The following SLC30A8 variants were observed in gnomAD, a reference collection of about 807,000 sequenced individuals.
SLC30A8 encodes the protein proton-coupled zinc antiporter SLC30A8.
A neutral mutation model predicts 36.9 loss-of-function variants in SLC30A8; 27 were observed. That is an observed-to-expected ratio of 0.73 (90% CI 0.54 to 1.01). The LOEUF (loss-of-function observed/expected upper bound fraction) is 1.01. Among genes scored for constraint, SLC30A8 ranks in the 50% least tolerant of loss-of-function variants. The pLI is 0.00. For synonymous variants in SLC30A8, 164 were observed against 172.4 expected (o/e 0.95, Z 0.38); for missense variants, 439 against 452.0 (o/e 0.97, Z 0.26).
intron 1 of SLC30A8, among the ~76,000 whole-genome samples, chr8:116,994,081 G>C (rs529572900): frequency 6.6e-6 from 1 of 151,878 alleles, no homozygotes; most frequent in South Asian, 2.1e-4. Context: ...GCACACTCTA[G>C]GCTCAGATAG....
Position 116,970,924 on chromosome 8 carries a change from G to A in SLC30A8, c.-266+19805G>A, listed in dbSNP as rs139339772. On this transcript the variant is annotated intron_variant, in intron 1 of 10. Coordinates refer to the SLC30A8 transcript ENST00000427715. Reference sequence around the variant, plus strand: ...AGCCTGGCCAACATGGCGAAACCCCGTCTCTACTAAAAACACAAAAGTTAG... The same window carrying A: ...AGCCTGGCCAACATGGCGAAACCCCATCTCTACTAAAAACACAAAAGTTAG... Among the ~76,000 whole-genome samples the A allele has an allele frequency of 3.1e-3, 479 of 152,156 alleles. 1 individual carries two copies. Among genetic ancestry groups the A allele is most frequent in the Middle Eastern group, 6.8e-3 (2 of 294 alleles).
At chr8:116,992,831 A>G (rs1015876574) in intron 1 of SLC30A8, among the ~76,000 whole-genome samples, 2 of 152,222 alleles carry the variant, frequency 1.3e-5, no homozygotes, top group South Asian at 2.1e-4. Context: ...TGGGGTAGCA[A>G]TGAAAAAGCT....
At chr8:117,037,515 C>T (rs533693658) in intron 1 of SLC30A8, among the ~76,000 whole-genome samples, 7 of 152,042 alleles carry the variant, frequency 4.6e-5, no homozygotes, top group Admixed American at 1.3e-4. Context: ...CCCCCTCACC[C>T]ACCGCTTAAG....
chr8:117,085,387 A>C (rs1818835677), intron 2 of SLC30A8, among the ~76,000 whole-genome samples: 1 of 152,154 alleles, frequency 6.6e-6, no homozygotes. Context: ...TAATGAATAA[A>C]AATTGTAGAA....
At chr8:117,008,144 GA>G (rs987212960) in intron 1 of SLC30A8, among the ~76,000 whole-genome samples, 3 of 152,128 alleles carry the variant, frequency 2.0e-5, no homozygotes, top group Non-Finnish European at 4.4e-5. Flanking sequence ...ATTCCAAGAT[GA>G]GAAAAGGCTA....
intron 1 of SLC30A8, among the ~76,000 whole-genome samples, chr8:116,982,401 T>C (rs1815298675): frequency 6.6e-6 from 1 of 152,144 alleles, no homozygotes; most frequent in Non-Finnish European, 1.5e-5. Context: ...AGTTTTACCA[T>C]AGGCTGATTG....
Position 117,172,656 on chromosome 8 carries a change from T to A in SLC30A8, c.1085T>A (p.Leu362His). 6.2e-7 allele frequency: 1 copy of A among 1,613,656 alleles called. No homozygotes were observed. The highest frequency in any genetic ancestry group is 8.5e-7 in the Non-Finnish European group (1 of 1,179,664). Residue 362 changes from leucine to histidine, a missense_variant, in exon 8 of 8, where the codon CTT (leucine) becomes CAT (histidine). Coordinates refer to ENST00000456015, the MANE Select transcript of SLC30A8 (RefSeq NM_173851.3). ...ESPVDQDPDC[L>H]FCEDPCD ...CCAGTTGACCAGGACCCCGACTGCCTTTTCTGTGAAGACCCCTGTGACTAG... is the reference window on the plus strand; with the variant it reads ...CCAGTTGACCAGGACCCCGACTGCCATTTCTGTGAAGACCCCTGTGACTAG...
At chr8:117,161,001 C>T (rs991980481) in intron 4 of SLC30A8, among the ~76,000 whole-genome samples, 2 of 152,302 alleles carry the variant, frequency 1.3e-5, no homozygotes, top group Non-Finnish European at 1.5e-5. Context: ...TCTAATACCT[C>T]TTAAAGTTAT....
chr8:117,139,063 C>T (rs1271293086), intron 1 of SLC30A8, among the ~76,000 whole-genome samples: 2 of 151,930 alleles, frequency 1.3e-5, no homozygotes, highest in Admixed American at 1.3e-4. Context: ...TAGTGGCAGA[C>T]CAGCTAGAAG....
At position 116,963,186 on chromosome 8, in the gene SLC30A8, C is replaced by T. The variant is rs183020547; in HGVS notation, c.-266+12067C>T. ...ATTTATTTCTCTAGAACCCAAGGCC[C>T]GTGAGAACCCTGCAGCTGTCAATAG... On this transcript the variant is annotated intron_variant, in intron 1 of 10. Transcript: ENST00000427715. Among the ~76,000 whole-genome samples the T allele has an allele frequency of 2.0e-4, 30 of 152,136 alleles. No homozygotes were observed. In the Middle Eastern group the frequency reaches 0.01, roughly 52 times the overall value.
intron 1 of SLC30A8, among the ~76,000 whole-genome samples, chr8:117,009,216 T>A (rs535288649): frequency 6.6e-6 from 1 of 152,148 alleles, no homozygotes; most frequent in South Asian, 2.1e-4. Flanking sequence ...TGACTGACGT[T>A]AAAAAAAGAA....
intron 1 of SLC30A8, among the ~76,000 whole-genome samples, chr8:116,974,292 T>G (rs929030513): frequency 6.6e-6 from 1 of 152,246 alleles, no homozygotes; most frequent in African/African-American, 2.4e-5. Context: ...TCTACCCATC[T>G]GACAAAGGGC....
chr8:117,058,597 A>G (rs1432885520), intron 2 of SLC30A8, among the ~76,000 whole-genome samples: 2 of 152,314 alleles, frequency 1.3e-5, no homozygotes, highest in Non-Finnish European at 2.9e-5. Flanking sequence ...GGACACAAAC[A>G]TTCAGACCAT....
intron 5 of SLC30A8, 79 bp from the exon 6 acceptor site, chr8:117,163,346 G>A: frequency 1.8e-6 from 2 of 1,103,584 alleles, no homozygotes; most frequent in Non-Finnish European, 2.7e-6. Context: ...ACACAGGGAG[G>A]TTTACTTATT....
intron 1 of SLC30A8, among the ~76,000 whole-genome samples, chr8:117,142,131 G>A (rs1041295801): frequency 2.0e-5 from 3 of 152,068 alleles, no homozygotes; most frequent in Non-Finnish European, 4.4e-5. Flanking sequence ...CCTTCTCCAG[G>A]TTACTCTAAC....
chr8:117,091,800 G>A (rs941942927), intron 2 of SLC30A8, among the ~76,000 whole-genome samples: 1 of 152,140 alleles, frequency 6.6e-6, no homozygotes, highest in Admixed American at 6.5e-5. Context: ...AGGTATTTCT[G>A]TGGGCTATGT....
At chr8:116,958,841 ATTTTTTTTTTTTTTT>A (rs758505118) in intron 1 of SLC30A8, among the ~76,000 whole-genome samples, 1 of 60,010 alleles carries the variant, frequency 1.7e-5, no homozygotes, top group African/African-American at 6.9e-5. Flanking sequence ...TGCTCTTTTC[ATTTTTTTTTTTTTTT>A]TTTTTTTTTT....
At chr8:116,993,795 T>C (rs530640434) in intron 1 of SLC30A8, among the ~76,000 whole-genome samples, 16 of 151,950 alleles carry the variant, frequency 1.1e-4, no homozygotes, top group African/African-American at 2.9e-4. Flanking sequence ...GCAGAAAATA[T>C]CCGATCTGAA....
At chr8:116,981,609 A>G (rs1734560778) in intron 1 of SLC30A8, among the ~76,000 whole-genome samples, 1 of 151,970 alleles carries the variant, frequency 6.6e-6, no homozygotes, top group Admixed American at 6.6e-5. Context: ...GTTGTTCCCT[A>G]CTTTGTATGC....
Sources: gnomAD v4.1 joint callset for allele counts (sites outside exome capture counted in the v4.1 genomes callset) on GRCh38, gnomAD v4.1.1 for gene constraint, MANE v1.5 for transcripts, NCBI Gene and HGNC (gene_info 2026-07-23, HGNC 2026-07-21) for gene names.